Variants in SDK1 observed in about 807,000 individuals in gnomAD.
SDK1 encodes the protein sidekick cell adhesion molecule 1.
In SDK1, 157 loss-of-function variants were observed where a neutral mutation model predicts 245.5. The observed-to-expected ratio is 0.64, with a 90% confidence interval of 0.56 to 0.73. The LOEUF is 0.73. SDK1 is among the 30% of genes least tolerant of loss of function. The probability of loss-of-function intolerance (pLI) is 0.00; values close to 1 mark genes in which losing one functional copy is unlikely to be tolerated. For missense variants in SDK1, 3,583 were observed against 3,002.3 expected (o/e 1.19, Z -4.52); for synonymous variants, 1,647 against 1,278.5 (o/e 1.29, Z -6.15).
At chr7:4,234,732 C>T (rs900584513) in intron 41 of SDK1, among the ~76,000 whole-genome samples, 3 of 152,176 alleles carry the variant, frequency 2.0e-5, no homozygotes, top group Admixed American at 6.5e-5. Context: ...TGGCTCCAGG[C>T]GTGACTTTCT....
rs186018052 is a variant in SDK1, at chr7:4,220,032, A to G, written c.5540-77A>G. The G allele has an allele frequency of 3.1e-4, 471 of 1,512,182 alleles. 1 individual carries two copies. The African/African-American group carries it at 5.7e-3, about 18-fold the overall frequency. The allele number at this position is 1,512,182 out of a possible 1,614,324, so 93.7% of individuals were successfully genotyped here. A position where few individuals can be genotyped will look rare whatever the true frequency, so the allele number is the denominator to read the frequency against. On this transcript the variant is annotated intron_variant, in intron 38 of 44. Coordinates refer to ENST00000404826, the MANE Select transcript of SDK1 (RefSeq NM_152744.4). ...AACTGCAGGGACCACTTTCCTTGTT[A>G]TCGCAACAGAACAGACAGTGGACAG... is the stretch of plus-strand genomic sequence containing the variant.
intron 44 of SDK1, among the ~76,000 whole-genome samples, chr7:4,256,308 A>G (rs1030361592): frequency 1.1e-4 from 17 of 152,202 alleles, no homozygotes; most frequent in African/African-American, 4.1e-4. Context: ...ACCTCCTCAC[A>G]TTGCCATTCC....
At chr7:4,237,901 G>A (rs1346687590) in intron 42 of SDK1, 117 bp downstream of exon 42, 1 of 1,242,940 alleles carries the variant, frequency 8.0e-7, no homozygotes. Context: ...TTTGCTTGTA[G>A]GTGCTGAGAG....
intron 17 of SDK1, among the ~76,000 whole-genome samples, chr7:4,041,698 A>C (rs1338623304): frequency 2.9e-5 from 4 of 138,924 alleles, no homozygotes; most frequent in African/African-American, 6.4e-5. Flanking sequence ...GGAATCACAC[A>C]ACACATGGCT....
chr7:3,411,507 G>A (rs938371115), intron 1 of SDK1, among the ~76,000 whole-genome samples: 1 of 152,060 alleles, frequency 6.6e-6, no homozygotes, highest in Non-Finnish European at 1.5e-5. Context: ...TACCAATAGA[G>A]TATTCTGGTA....
intron 1 of SDK1, among the ~76,000 whole-genome samples, chr7:3,546,435 A>G (rs755913904): frequency 6.6e-6 from 1 of 152,358 alleles, no homozygotes. Context: ...GTTTTTAAAA[A>G]AATAAGGCTC....
At chr7:4,186,940 C>T (rs1161099074) in intron 35 of SDK1, among the ~76,000 whole-genome samples, 2 of 152,162 alleles carry the variant, frequency 1.3e-5, no homozygotes, top group Non-Finnish European at 2.9e-5. Context: ...GGGATTGCCA[C>T]CCCTGGCATC....
In SDK1 at chr7:3,490,731, G is replaced by A. The variant is rs1583940313; in HGVS notation, c.299-128349G>A. On this transcript the variant is annotated intron_variant, in intron 1 of 44. Transcript: ENST00000404826. ...TAAATGAGGCCAGGCAGACTTGGAG[G>A]GGTCTGTGAGCCCCTGAGCTCCTGT... 2.0e-5 allele frequency among the ~76,000 whole-genome samples: 3 copies of A among 152,246 alleles called. No homozygotes were observed. In the South Asian group the frequency reaches 6.2e-4, roughly 32 times the overall value.
In SDK1 at chr7:3,770,328, G is replaced by A. The variant is rs538707478; in HGVS notation, c.714-51122G>A. ...TTGTATTGCTAAGTAATGGGTCATG[G>A]TATGGATGTACCACAGTTTGTTTCG... On this transcript the variant is annotated intron_variant, in intron 4 of 44. Transcript: ENST00000404826. 1.2e-4 allele frequency among the ~76,000 whole-genome samples: 19 copies of A among 152,242 alleles called. No homozygotes were observed. The South Asian group carries it at 3.3e-3, about 27-fold the overall frequency.
At chr7:3,728,380 A>AT (rs1779077503) in intron 4 of SDK1, among the ~76,000 whole-genome samples, 1 of 152,258 alleles carries the variant, frequency 6.6e-6, no homozygotes, top group Non-Finnish European at 1.5e-5. Context: ...AATTTCAAAT[A>AT]GCCCAGTTAT....
chr7:3,441,698 T>C (rs1478427484), intron 1 of SDK1, among the ~76,000 whole-genome samples: 1 of 152,192 alleles, frequency 6.6e-6, no homozygotes, highest in Non-Finnish European at 1.5e-5. Flanking sequence ...CCAAAAGATA[T>C]CCTGAGATTT....
chr7:3,833,538 A>G (rs1197780978), intron 5 of SDK1, among the ~76,000 whole-genome samples: 1 of 151,976 alleles, frequency 6.6e-6, no homozygotes, highest in Non-Finnish European at 1.5e-5. Flanking sequence ...TATCAGATTT[A>G]TATATATCAG....
At chr7:3,848,186 AATT>A (rs1313119283) in intron 5 of SDK1, among the ~76,000 whole-genome samples, 2 of 152,234 alleles carry the variant, frequency 1.3e-5, no homozygotes, top group Non-Finnish European at 2.9e-5. Context: ...CTTCATAAAT[AATT>A]ATTAAACCTA....
At chr7:3,811,219 T>C (rs1779375036) in intron 4 of SDK1, among the ~76,000 whole-genome samples, 1 of 152,186 alleles carries the variant, frequency 6.6e-6, no homozygotes, top group Admixed American at 6.5e-5. Context: ...ATTTTACAGA[T>C]GAGAAAGCCA....
At chr7:3,856,013 C>G (rs1443034588) in intron 5 of SDK1, among the ~76,000 whole-genome samples, 4 of 152,082 alleles carry the variant, frequency 2.6e-5, no homozygotes, top group African/African-American at 2.4e-5. Flanking sequence ...ACTGTTAAAT[C>G]TAAATGTTTA....
At chr7:3,863,389 C>T (rs1780744200) in intron 5 of SDK1, among the ~76,000 whole-genome samples, 1 of 152,178 alleles carries the variant, frequency 6.6e-6, no homozygotes, top group Non-Finnish European at 1.5e-5. Flanking sequence ...CATTGCCTGG[C>T]TGGCCCATTT....
intron 2 of SDK1, among the ~76,000 whole-genome samples, chr7:3,631,944 T>C (rs1423177932): frequency 6.6e-6 from 1 of 152,242 alleles, no homozygotes; most frequent in Admixed American, 6.5e-5. Flanking sequence ...TTTAGGTCTT[T>C]TTTCCATTAT....
intron 4 of SDK1, among the ~76,000 whole-genome samples, chr7:3,808,687 T>G (rs1562459096): frequency 6.6e-6 from 1 of 152,100 alleles, no homozygotes; most frequent in Non-Finnish European, 1.5e-5. Context: ...GATACATCAG[T>G]TTCTACCTGA....
chr7:4,194,311 TAC>T (rs1398728318), intron 35 of SDK1, among the ~76,000 whole-genome samples: 3 of 97,912 alleles, frequency 3.1e-5, no homozygotes, highest in African/African-American at 1.3e-4. Flanking sequence ...TATACATGTA[TAC>T]ATATATGTAT....
Sources: allele counts gnomAD v4.1 joint callset (sites outside exome capture counted in the v4.1 genomes callset), GRCh38; gene constraint gnomAD v4.1.1; transcripts MANE v1.5; gene names NCBI Gene and HGNC (gene_info 2026-07-23, HGNC 2026-07-21).